PUDP: variants seen among roughly 807,000 people sequenced by gnomAD.
PUDP encodes the protein pseudouridine 5'-phosphatase.
PUDP carries 8 observed loss-of-function variants against 9.4 expected under a neutral mutation model. The ratio of observed to expected loss-of-function variants is 0.85; its 90% CI spans 0.50 to 1.53. The LOEUF is 1.53. Among genes scored for constraint, PUDP ranks in the 40% most tolerant of loss-of-function variants. The pLI, the probability that PUDP is intolerant of heterozygous loss-of-function variation, is 0.00. For missense variants in PUDP, 188 were observed against 189.7 expected, an observed-to-expected ratio of 0.99 and a Z score of 0.05; for synonymous variants, 99 against 80.7, an observed-to-expected ratio of 1.23 and a Z score of -1.22.
chrX:6,949,945 T>C (rs1326627195), intron 3 of PUDP, among the ~76,000 whole-genome samples: 2 of 111,606 alleles, frequency 1.8e-5, no homozygotes, highest in African/African-American at 6.5e-5. Context: ...TTGTAGGCTA[T>C]TGGCTTGAAG....
At chrX:6,987,838 C>T (rs1339539295) in intron 1 of PUDP, among the ~76,000 whole-genome samples, 1 of 112,163 alleles carries the variant, frequency 8.9e-6, no homozygotes, top group Admixed American at 9.5e-5. Context: ...AATCACCAAT[C>T]ACTTGGGAAT....
At chrX:7,123,512 G>A (rs1002026698) in intron 1 of PUDP, among the ~76,000 whole-genome samples, 3 of 111,648 alleles carry the variant, frequency 2.7e-5, no homozygotes, top group Non-Finnish European at 5.6e-5. Flanking sequence ...GCAGCATGCC[G>A]CACGTAAATC....
chrX:7,138,433 C>A (rs540273413), intron 1 of PUDP, among the ~76,000 whole-genome samples: 9 of 108,081 alleles, frequency 8.3e-5, no homozygotes, highest in Admixed American at 2.0e-4. Context: ...AGTGCAGTGG[C>A]GTGATCTCAG....
At chrX:6,769,265 A>C (rs1925327084) in intron 3 of PUDP, among the ~76,000 whole-genome samples, 1 of 112,193 alleles carries the variant, frequency 8.9e-6, no homozygotes, top group Non-Finnish European at 1.9e-5. Context: ...GATTAGAAAC[A>C]AAGAAGACAG....
chrX:7,111,990 T>C (rs1414563219), intron 1 of PUDP, among the ~76,000 whole-genome samples: 1 of 94,284 alleles, frequency 1.1e-5, no homozygotes, highest in Non-Finnish European at 2.2e-5. Flanking sequence ...AATATTTTGC[T>C]TAAAAAAAAA....
intron 1 of PUDP, among the ~76,000 whole-genome samples, chrX:7,115,941 T>C (rs1341335570): frequency 8.9e-6 from 1 of 112,535 alleles, no homozygotes; most frequent in African/African-American, 3.2e-5. Flanking sequence ...AAGGCATTAT[T>C]ACATTTGCGG....
At chrX:6,924,474 C>T (rs763510932) in intron 3 of PUDP, among the ~76,000 whole-genome samples, 10 of 112,152 alleles carry the variant, frequency 8.9e-5, no homozygotes, top group Non-Finnish European at 1.9e-4. Flanking sequence ...TTTCAGATTA[C>T]GGATTTTGTA....
At chrX:7,107,911 C>T (rs1232598842) in intron 1 of PUDP, among the ~76,000 whole-genome samples, 2 of 112,646 alleles carry the variant, frequency 1.8e-5, no homozygotes, top group Non-Finnish European at 3.8e-5. Flanking sequence ...GCCTGCACCA[C>T]ACGGCAGGAT....
At chrX:6,903,952 ATTTAT>A (rs1213628896) in intron 3 of PUDP, among the ~76,000 whole-genome samples, 3 of 80,334 alleles carry the variant, frequency 3.7e-5, no homozygotes, top group Non-Finnish European at 5.3e-5. Context: ...ATATATATAT[ATTTAT>A]TTTTTTTTTT....
At chrX:6,949,894 T>C (rs1928523315) in intron 3 of PUDP, among the ~76,000 whole-genome samples, 1 of 111,783 alleles carries the variant, frequency 8.9e-6, no homozygotes, top group Non-Finnish European at 1.9e-5. Flanking sequence ...AAGAATCTGC[T>C]TCCAAGCTAA....
chrX:6,974,560 G>A (rs1184677461), intron 3 of PUDP, among the ~76,000 whole-genome samples: 1 of 112,144 alleles, frequency 8.9e-6, no homozygotes, highest in Non-Finnish European at 1.9e-5. Flanking sequence ...CTGGCTTGTA[G>A]TGTTTCTGCA....
intron 1 of PUDP, among the ~76,000 whole-genome samples, chrX:7,147,027 G>A (rs1247911192): frequency 9.1e-6 from 1 of 110,457 alleles, no homozygotes; most frequent in South Asian, 3.9e-4. Flanking sequence ...CAAGGCTTTC[G>A]GTAGAGCTCA....
chrX:6,831,870 T>C (rs1053301926), intron 3 of PUDP, among the ~76,000 whole-genome samples: 1 of 111,730 alleles, frequency 9.0e-6, no homozygotes, highest in Non-Finnish European at 1.9e-5. Flanking sequence ...CATAATCATA[T>C]GGCAAAAGAC....
intron 3 of PUDP, among the ~76,000 whole-genome samples, chrX:6,943,183 A>G (rs748154649): frequency 4.7e-4 from 53 of 111,806 alleles, no homozygotes; most frequent in African/African-American, 1.7e-3. Context: ...GCAGGACACC[A>G]TGAGGGGCCT....
chrX:6,713,508 T>A (rs1254100798), intron 1 of PUDP, among the ~76,000 whole-genome samples: 1 of 112,222 alleles, frequency 8.9e-6, no homozygotes, highest in Non-Finnish European at 1.9e-5. Context: ...CATAGGCTAA[T>A]GTATGTGTTC....
chrX:6,821,980 G>C (rs1388853285), intron 3 of PUDP, among the ~76,000 whole-genome samples: 6 of 111,794 alleles, frequency 5.4e-5, no homozygotes, highest in African/African-American at 2.0e-4. Flanking sequence ...CCAATTTTTT[G>C]TGCTCTATGT....
intron 3 of PUDP, among the ~76,000 whole-genome samples, chrX:6,785,113 C>T (rs908199161): frequency 2.7e-5 from 3 of 112,389 alleles, no homozygotes; most frequent in Non-Finnish European, 5.6e-5. Flanking sequence ...CTCTCAGAGA[C>T]GCACGTGATC....
chrX:7,098,187 T>G (rs1222817254), intron 2 of PUDP, among the ~76,000 whole-genome samples: 1 of 112,411 alleles, frequency 8.9e-6, no homozygotes, highest in Non-Finnish European at 1.9e-5. Flanking sequence ...AGTCTGTTTG[T>G]GCTGCTATAA....
chrX:6,774,789 T>C (rs1602613888), intron 3 of PUDP, among the ~76,000 whole-genome samples: 1 of 112,141 alleles, frequency 8.9e-6, no homozygotes, highest in African/African-American at 3.2e-5. Flanking sequence ...AAACACTCAG[T>C]GTTATTCAGC....
Sources: gnomAD v4.1 joint callset for allele counts (sites outside exome capture counted in the v4.1 genomes callset) on GRCh38, gnomAD v4.1.1 for gene constraint, MANE v1.5 for transcripts, NCBI Gene and HGNC (gene_info 2026-07-23, HGNC 2026-07-21) for gene names.